SLC4A7: variants seen among roughly 807,000 people sequenced by gnomAD.
The protein encoded by SLC4A7 is solute carrier family 4 member 7.
SLC4A7 carries 51 observed loss-of-function variants against 137.6 expected under a neutral mutation model. The observed-to-expected ratio is 0.37, with a 90% CI of 0.30 to 0.47. The LOEUF (loss-of-function observed/expected upper bound fraction) is 0.47. SLC4A7 is among the 20% of genes least tolerant of loss of function. The pLI is 1.00. For missense variants in SLC4A7, 1,247 were observed against 1,525.4 expected (o/e 0.82, Z 3.04); for synonymous variants, 542 against 518.6 (o/e 1.05, Z -0.61).
intron 7 of SLC4A7, among the ~76,000 whole-genome samples, chr3:27,427,768 C>T (rs922172511): frequency 2.0e-5 from 3 of 152,184 alleles, no homozygotes; most frequent in African/African-American, 7.2e-5. Flanking sequence ...TATCTACAGT[C>T]GTCTTTTTAA....
intron 18 of SLC4A7, among the ~76,000 whole-genome samples, chr3:27,396,791 C>T (rs1263023298): frequency 6.6e-6 from 1 of 151,952 alleles, no homozygotes; most frequent in African/African-American, 2.4e-5. Flanking sequence ...TTAGCATAAG[C>T]AAAGGAGGAT....
intron 22 of SLC4A7, 98 bp downstream of exon 22, chr3:27,389,833 G>T (rs564777849): frequency 3.3e-6 from 3 of 899,488 alleles, no homozygotes; most frequent in Non-Finnish European, 5.0e-6. Flanking sequence ...TACTTAAAAC[G>T]CATTATTCTT....
chr3:27,402,492 G>C (rs1380309006), intron 15 of SLC4A7, among the ~76,000 whole-genome samples: 1 of 152,106 alleles, frequency 6.6e-6, no homozygotes, highest in African/African-American at 2.4e-5. Flanking sequence ...CTGAGGTCAG[G>C]AGTTTGAGAC....
intron 4 of SLC4A7, 37 bp from the exon 5 acceptor site, chr3:27,436,585 T>C (rs1247562922): frequency 1.5e-6 from 2 of 1,291,578 alleles, no homozygotes; most frequent in Non-Finnish European, 2.2e-6. Flanking sequence ...TTATAAGTAA[T>C]GAAGATTCCA....
At chr3:27,434,791 T>A (rs1170198392) in intron 5 of SLC4A7, among the ~76,000 whole-genome samples, 1 of 152,036 alleles carries the variant, frequency 6.6e-6, no homozygotes, top group Admixed American at 6.6e-5. Context: ...GGTACTAACT[T>A]GGAAGAAGAG....
chr3:27,379,387 T>A (rs781497459), intron 24 of SLC4A7, 31 bp from the exon 25 acceptor site: 16 of 1,157,632 alleles, frequency 1.4e-5, no homozygotes, highest in Non-Finnish European at 1.9e-5. Flanking sequence ...TTGGTTAGTA[T>A]TCAGTACTTG....
intron 11 of SLC4A7, among the ~76,000 whole-genome samples, chr3:27,417,666 T>A (rs1266798466): frequency 6.6e-6 from 1 of 152,032 alleles, no homozygotes; most frequent in Non-Finnish European, 1.5e-5. Flanking sequence ...AGGCAGGAAG[T>A]TTGCTTGAGC....
chr3:27,424,919 T>C (rs149797441), intron 7 of SLC4A7, among the ~76,000 whole-genome samples: 36 of 152,336 alleles, frequency 2.4e-4, no homozygotes, highest in African/African-American at 7.7e-4. Context: ...TGATACTTGT[T>C]TGGATTTCAA....
intron 10 of SLC4A7, among the ~76,000 whole-genome samples, chr3:27,419,974 G>T: frequency 6.6e-6 from 1 of 151,948 alleles, no homozygotes; most frequent in South Asian, 2.1e-4. Context: ...AGATCACAAG[G>T]TCAGGAGATT....
intron 18 of SLC4A7, among the ~76,000 whole-genome samples, chr3:27,397,135 T>A (rs2052261296): frequency 6.6e-6 from 1 of 152,160 alleles, no homozygotes; most frequent in African/African-American, 2.4e-5. Context: ...TTCAAGCGAT[T>A]CTCCTGCCTC....
rs2058585115 is a variant in SLC4A7 at position 27,459,604 on chromosome 3, C to A, written c.61-7106G>T. 2.0e-5 allele frequency among the ~76,000 whole-genome samples: 3 copies of A among 152,068 alleles called. No homozygotes were observed. The South Asian group carries it at 6.2e-4, about 31-fold the overall frequency. On this transcript the variant is annotated intron_variant, in intron 1 of 25. Transcript: ENST00000454389. Reference sequence around the variant, plus strand: ...TTATGCAAATGGAAATATATATATTCTTACAAAAAAGATAGCATTCATTAC... The same window carrying A: ...TTATGCAAATGGAAATATATATATTATTACAAAAAAGATAGCATTCATTAC...
intron 1 of SLC4A7, among the ~76,000 whole-genome samples, chr3:27,482,867 T>C (rs1338823118): frequency 6.6e-6 from 1 of 152,220 alleles, no homozygotes; most frequent in Non-Finnish European, 1.5e-5. Context: ...CACTGCTAAA[T>C]GACTTCACTG....
At chr3:27,460,655 T>C (rs1234468420) in intron 1 of SLC4A7, among the ~76,000 whole-genome samples, 1 of 152,188 alleles carries the variant, frequency 6.6e-6, no homozygotes, top group Non-Finnish European at 1.5e-5. Flanking sequence ...ATTATTCCTT[T>C]CTCATTTTCA....
At chr3:27,475,824 G>A (rs2059439252) in intron 1 of SLC4A7, among the ~76,000 whole-genome samples, 1 of 152,036 alleles carries the variant, frequency 6.6e-6, no homozygotes. Context: ...ATTACTGAAA[G>A]GACTCTACTG....
At chr3:27,464,743 C>G (rs985133418) in intron 1 of SLC4A7, among the ~76,000 whole-genome samples, 1 of 151,736 alleles carries the variant, frequency 6.6e-6, no homozygotes, top group Non-Finnish European at 1.5e-5. Flanking sequence ...TGCCTGTAAT[C>G]CTAGTGAGAC....
At chr3:27,447,127 C>T (rs1475239813) in intron 3 of SLC4A7, among the ~76,000 whole-genome samples, 17 of 151,454 alleles carry the variant, frequency 1.1e-4, no homozygotes, top group East Asian at 7.8e-4. Context: ...ACCTCGTGAT[C>T]CACCTGCCTC....
chr3:27,448,237 A>G (rs2057816257), intron 3 of SLC4A7, among the ~76,000 whole-genome samples: 1 of 150,546 alleles, frequency 6.6e-6, no homozygotes, highest in African/African-American at 2.4e-5. Context: ...AAAAAAAAGA[A>G]GAAGGAAAAA....
intron 4 of SLC4A7, 24 bp downstream of exon 4, chr3:27,437,360 AAAAG>A: frequency 4.7e-6 from 7 of 1,487,194 alleles, no homozygotes; most frequent in Non-Finnish European, 5.4e-6. Flanking sequence ...TCAAAAAAAA[AAAAG>A]AGAGAGAGAC....
At chr3:27,465,749 G>C (rs940977377) in intron 1 of SLC4A7, among the ~76,000 whole-genome samples, 2 of 151,812 alleles carry the variant, frequency 1.3e-5, no homozygotes, top group African/African-American at 4.8e-5. Flanking sequence ...CACGAGATCA[G>C]GAGATCGAAA....
Sources: allele counts gnomAD v4.1 joint callset (sites outside exome capture counted in the v4.1 genomes callset), GRCh38; gene constraint gnomAD v4.1.1; transcripts MANE v1.5; gene names NCBI Gene and HGNC (gene_info 2026-07-23, HGNC 2026-07-21).